Variants in N4BP2L2 observed in about 807,000 individuals in gnomAD.
N4BP2L2 encodes the protein NEDD4 binding protein 2 like 2.
A neutral mutation model predicts 56.2 loss-of-function variants in N4BP2L2; 50 were observed. That is an observed-to-expected ratio of 0.89 (90% confidence interval 0.71 to 1.13). N4BP2L2 has a LOEUF of 1.13. Among genes scored for constraint, N4BP2L2 ranks in the 50% most tolerant of loss-of-function variants. The pLI, the probability that N4BP2L2 is intolerant of heterozygous loss-of-function variation, is 0.00. For synonymous variants in N4BP2L2, 203 were observed against 223.6 expected, an observed-to-expected ratio of 0.91 and a Z score of 0.82; for missense variants, 689 against 693.8, an observed-to-expected ratio of 0.99 and a Z score of 0.08.
chr13:32,522,190 CAT>C lies in N4BP2L2; in HGVS notation c.1463_1464del (p.Tyr488CysfsTer15). The C allele has an allele frequency of 6.5e-7, 1 of 1,544,524 alleles. No homozygotes were observed. Among genetic ancestry groups the C allele is most frequent in the Non-Finnish European group, 8.8e-7 (1 of 1,138,064 alleles). On this transcript the variant is annotated frameshift_variant, in exon 4 of 6. Coordinates refer to ENST00000267068, the Ensembl canonical transcript of N4BP2L2. LOFTEE classifies it high-confidence loss of function. ...TCATGTTTCATATTTACCACTTCCA[CAT>C]ATGGCTTCATTTCCCAAGCTTGTAT... is the stretch of plus-strand genomic sequence containing the variant.
Position 32,492,743 on chromosome 13 carries a change from C to T in N4BP2L2, c.365+25114G>A, listed in dbSNP as rs568576761. Among the ~76,000 whole-genome samples the T allele has an allele frequency of 2.5e-3, 380 of 151,718 alleles. 2 individuals are homozygous for T. The highest frequency in any genetic ancestry group is 8.3e-3 in the African/African-American group (342 of 41,350). On this transcript the variant is annotated intron_variant, in intron 6 of 9. Coordinates refer to the N4BP2L2 transcript ENST00000357505. ...ATTTCTAAACCTTTTCAAACATGAG[C>T]GTAAGAAATAAGTATCATGCTCTCA...
intron 6 of N4BP2L2, among the ~76,000 whole-genome samples, chr13:32,471,367 C>T (rs1022155263): frequency 3.9e-5 from 6 of 152,200 alleles, no homozygotes; most frequent in Non-Finnish European, 8.8e-5. Context: ...GCCAGAATGA[C>T]TCAGTGAGTT....
chr13:32,501,747 G>A (rs888801686), intron 6 of N4BP2L2, among the ~76,000 whole-genome samples: 5 of 151,930 alleles, frequency 3.3e-5, no homozygotes, highest in South Asian at 2.1e-4. Flanking sequence ...ACCCGGAGGC[G>A]GAGCTTGCAT....
intron 6 of N4BP2L2, among the ~76,000 whole-genome samples, chr13:32,503,129 T>C (rs1234193010): frequency 3.3e-5 from 4 of 122,060 alleles, no homozygotes; most frequent in African/African-American, 9.6e-5. Context: ...GCTGAGATCA[T>C]GCCACTGCAG....
intron 6 of N4BP2L2, chr13:32,477,581 A>G: frequency 7.4e-6 from 2 of 271,316 alleles, no homozygotes; most frequent in South Asian, 4.3e-5. Flanking sequence ...AGTGAACCTC[A>G]GTTGATTGTT....
At chr13:32,461,415 A>G (rs2138700593) in intron 6 of N4BP2L2, among the ~76,000 whole-genome samples, 1 of 152,240 alleles carries the variant, frequency 6.6e-6, no homozygotes, top group South Asian at 2.1e-4. Flanking sequence ...AACAACAGCA[A>G]CCCAAACGCA....
In N4BP2L2 at chr13:32,443,860, CT is replaced by C. The variant is rs1237444318; in HGVS notation, c.631del (p.Arg211AspfsTer17). On this transcript the variant is annotated frameshift_variant, in exon 7 of 10. Transcript: ENST00000357505. LOFTEE classifies it high-confidence loss of function. ...GTCTTTAGGATCTTTATTTTTCCAT[CT>C]TTTTTCTTTATATCCAGTCACAAAA... 2 of 1,569,846 alleles carry C rather than the reference CT, an allele frequency of 1.3e-6. No individual in the cohort carries two copies. Among genetic ancestry groups the C allele is most frequent in the Non-Finnish European group, 1.7e-6 (2 of 1,160,134 alleles).
At chr13:32,536,938 T>C (rs890335378) in exon 2 of N4BP2L2, 4 of 1,613,678 alleles carry the variant, frequency 2.5e-6, no homozygotes, top group Middle Eastern at 1.7e-4. Flanking sequence ...CATACGACTC[T>C]GTGGTTGACT....
intron 7 of N4BP2L2, among the ~76,000 whole-genome samples, chr13:32,441,451 A>G (rs1424781039): frequency 6.6e-6 from 1 of 152,060 alleles, no homozygotes; most frequent in Non-Finnish European, 1.5e-5. Flanking sequence ...TGGGAGGCTG[A>G]GGCGGGTAGA....
chr13:32,436,898 A>G (rs1304779682), intron 8 of N4BP2L2, among the ~76,000 whole-genome samples: 1 of 149,682 alleles, frequency 6.7e-6, no homozygotes, highest in African/African-American at 2.5e-5. Context: ...TTATTTATTT[A>G]GAGACAGAGT....
chr13:32,445,821 G>A (rs529450210), intron 6 of N4BP2L2, among the ~76,000 whole-genome samples: 3 of 152,300 alleles, frequency 2.0e-5, no homozygotes, highest in South Asian at 2.1e-4. Flanking sequence ...TCCCTTTAAC[G>A]GAAGACAATA....
intron 5 of N4BP2L2, 124 bp from the exon 6 acceptor site, chr13:32,518,127 A>G (rs2049700088): frequency 2.3e-6 from 2 of 865,632 alleles, no homozygotes; most frequent in Non-Finnish European, 3.4e-6. Context: ...TATATATTTC[A>G]TCTGTCCACA....
At chr13:32,486,793 A>C (rs978075075) in intron 6 of N4BP2L2, among the ~76,000 whole-genome samples, 1 of 152,072 alleles carries the variant, frequency 6.6e-6, no homozygotes, top group East Asian at 1.9e-4. Context: ...AGGTCAGCAG[A>C]TCGAGACCAT....
chr13:32,517,741 G>C, exon 6 of N4BP2L2: 1 of 1,583,300 alleles, frequency 6.3e-7, no homozygotes, highest in Non-Finnish European at 8.6e-7. Flanking sequence ...TAAACTCCAA[G>C]ACAGGCTCAC....
intron 3 of N4BP2L2, among the ~76,000 whole-genome samples, chr13:32,526,564 T>C (rs985528527): frequency 1.3e-5 from 2 of 152,178 alleles, no homozygotes; most frequent in African/African-American, 4.8e-5. Flanking sequence ...GATGGGTCTA[T>C]GAGGTTCATT....
Position 32,433,736 on chromosome 13 carries a change from C to T in N4BP2L2, c.*22-764G>A, listed in dbSNP as rs1243311178. ...GGTTAGGAGTTTCAGACCAGCCTAGCCAACATGGTGAAACCCCGTCTCTAC... is the reference window on the plus strand; with the variant it reads ...GGTTAGGAGTTTCAGACCAGCCTAGTCAACATGGTGAAACCCCGTCTCTAC... On this transcript the variant is annotated intron_variant, in intron 9 of 9. Transcript: ENST00000357505. Among the ~76,000 whole-genome samples, 3 of 151,390 alleles carry T rather than the reference C, an allele frequency of 2.0e-5. No individual in the cohort carries two copies. The East Asian group carries it at 5.8e-4, about 29-fold the overall frequency.
At chr13:32,512,717 T>C (rs564903463) in exon 6 of N4BP2L2, 20 of 152,354 alleles carry the variant, frequency 1.3e-4, no homozygotes, top group African/African-American at 4.6e-4. Flanking sequence ...TTCTTGTTCT[T>C]GTGCATAGAG....
At chr13:32,510,885 T>C (rs1593978721) in exon 6 of N4BP2L2, 1 of 151,970 alleles carries the variant, frequency 6.6e-6, no homozygotes, top group East Asian at 1.9e-4. Flanking sequence ...TAAATCAACA[T>C]ACCTTATAAC....
At chr13:32,529,870 C>T (rs1171011598) in intron 2 of N4BP2L2, among the ~76,000 whole-genome samples, 1 of 151,822 alleles carries the variant, frequency 6.6e-6, no homozygotes, top group African/African-American at 2.4e-5. Flanking sequence ...TGACTACAGG[C>T]ACGTGCCATC....
Sources: gnomAD v4.1 joint callset for allele counts (sites outside exome capture counted in the v4.1 genomes callset) on GRCh38, gnomAD v4.1.1 for gene constraint, MANE v1.5 for transcripts, NCBI Gene and HGNC (gene_info 2026-07-23, HGNC 2026-07-21) for gene names.